PPARGC1A: variants seen among roughly 807,000 people sequenced by gnomAD.
PPARGC1A encodes the protein peroxisome proliferator-activated receptor gamma coactivator 1-alpha.
In PPARGC1A, 25 loss-of-function variants were observed where a neutral mutation model predicts 88.7. The ratio of observed to expected loss-of-function variants is 0.28; its 90% CI spans 0.21 to 0.39. The LOEUF (loss-of-function observed/expected upper bound fraction) is 0.39, where lower values mean the gene tolerates loss of function less well. PPARGC1A is among the 10% of genes least tolerant of loss of function. The pLI is 1.00. For missense variants in PPARGC1A, 880 were observed against 968.7 expected, an observed-to-expected ratio of 0.91 and a Z score of 1.22; for synonymous variants, 363 against 355.6, an observed-to-expected ratio of 1.02 and a Z score of -0.24.
the PPARGC1A span, among the ~76,000 whole-genome samples, chr4:23,924,133 A>T: frequency 6.6e-6 from 1 of 152,182 alleles, no homozygotes; most frequent in African/African-American, 2.4e-5. Flanking sequence ...GTCACAGGAG[A>T]TTGGCTTGGC....
chr4:23,806,672 T>C (rs1422806581), intron 10 of PPARGC1A, among the ~76,000 whole-genome samples: 1 of 152,172 alleles, frequency 6.6e-6, no homozygotes, highest in Non-Finnish European at 1.5e-5. Flanking sequence ...TTAACATCTA[T>C]AGTAAATCCT....
At chr4:24,242,794 A>G in the PPARGC1A span, among the ~76,000 whole-genome samples, 1 of 152,034 alleles carries the variant, frequency 6.6e-6, no homozygotes, top group Non-Finnish European at 1.5e-5. Flanking sequence ...AGAGTCCCCA[A>G]GCTCACTCCT....
chr4:23,888,300 A>G (rs139638390), intron 1 of PPARGC1A, among the ~76,000 whole-genome samples: 1 of 152,348 alleles, frequency 6.6e-6, no homozygotes, highest in African/African-American at 2.4e-5. Flanking sequence ...AAAGGCCACT[A>G]TTCTAAATGC....
chr4:24,211,639 G>A, the PPARGC1A span, among the ~76,000 whole-genome samples: 1 of 152,066 alleles, frequency 6.6e-6, no homozygotes, highest in African/African-American at 2.4e-5. Context: ...GGAGTGAGAT[G>A]GACTGGGATG....
chr4:23,942,051 T>C, the PPARGC1A span, among the ~76,000 whole-genome samples: 18 of 151,852 alleles, frequency 1.2e-4, no homozygotes, highest in Admixed American at 2.6e-4. Context: ...GCAGATACAG[T>C]CTTTTCACTG....
At chr4:24,458,841 T>C in the PPARGC1A span, among the ~76,000 whole-genome samples, 2 of 152,332 alleles carry the variant, frequency 1.3e-5, no homozygotes. Flanking sequence ...GGCAGGTCAG[T>C]TATGATTTAT....
the PPARGC1A span, among the ~76,000 whole-genome samples, chr4:24,175,428 G>A: frequency 5.9e-4 from 84 of 141,602 alleles, no homozygotes; most frequent in Admixed American, 1.6e-3. Flanking sequence ...AGGCTGGAGC[G>A]TAGTGGCGCA....
the PPARGC1A span, among the ~76,000 whole-genome samples, chr4:24,381,558 C>T: frequency 1.3e-5 from 2 of 152,186 alleles, no homozygotes; most frequent in Non-Finnish European, 2.9e-5. Context: ...GCTCTTAAGA[C>T]ATCAGCATTA....
intron 2 of PPARGC1A, among the ~76,000 whole-genome samples, chr4:23,868,538 G>C (rs1712560848): frequency 6.6e-6 from 1 of 152,136 alleles, no homozygotes; most frequent in South Asian, 2.1e-4. Flanking sequence ...GGACTGAGGA[G>C]GTGATGAGGT....
At chr4:24,326,382 A>T in the PPARGC1A span, among the ~76,000 whole-genome samples, 1 of 151,768 alleles carries the variant, frequency 6.6e-6, no homozygotes, top group Non-Finnish European at 1.5e-5. Flanking sequence ...TTGCCTATCC[A>T]CCCCATGGTG....
At chr4:24,402,366 G>A in the PPARGC1A span, among the ~76,000 whole-genome samples, 1 of 152,216 alleles carries the variant, frequency 6.6e-6, no homozygotes, top group Non-Finnish European at 1.5e-5. Flanking sequence ...CATGCGAGCT[G>A]TTTGAGAGCC....
chr4:23,859,874 G>T (rs1048676465), intron 2 of PPARGC1A, among the ~76,000 whole-genome samples: 1 of 151,586 alleles, frequency 6.6e-6, no homozygotes, highest in Non-Finnish European at 1.5e-5. Context: ...AAAAGAGAAA[G>T]AATTTTCATG....
At chr4:23,951,676 G>A in the PPARGC1A span, among the ~76,000 whole-genome samples, 1 of 152,256 alleles carries the variant, frequency 6.6e-6, no homozygotes, top group South Asian at 2.1e-4. Context: ...CTACATCTGA[G>A]TTAGATGAAA....
the PPARGC1A span, among the ~76,000 whole-genome samples, chr4:24,209,474 G>A: frequency 4.6e-5 from 7 of 152,172 alleles, no homozygotes; most frequent in Non-Finnish European, 8.8e-5. Flanking sequence ...AGTAGGTTGA[G>A]GTCAGAGATC....
the PPARGC1A span, among the ~76,000 whole-genome samples, chr4:24,132,683 G>A: frequency 3.3e-5 from 5 of 152,166 alleles, no homozygotes; most frequent in African/African-American, 1.2e-4. Context: ...ACCTTCCTGC[G>A]ATTTAAAGAT....
the PPARGC1A span, among the ~76,000 whole-genome samples, chr4:24,418,567 T>G: frequency 6.6e-6 from 1 of 152,008 alleles, no homozygotes; most frequent in African/African-American, 2.4e-5. Context: ...CTAATTCTAA[T>G]TAGAGCTTTT....
chr4:24,294,289 G>T, the PPARGC1A span, among the ~76,000 whole-genome samples: 5 of 152,158 alleles, frequency 3.3e-5, no homozygotes, highest in African/African-American at 1.2e-4. Context: ...TGAAAATCAT[G>T]ATCAGAAAAT....
the PPARGC1A span, among the ~76,000 whole-genome samples, chr4:24,311,156 G>A: frequency 7.5e-6 from 1 of 133,776 alleles, no homozygotes; most frequent in South Asian, 2.4e-4. Context: ...CTAGAGTGCA[G>A]TGGCGAGATC....
chr4:23,818,182 G>A (rs1271609193), intron 7 of PPARGC1A, among the ~76,000 whole-genome samples: 2 of 152,124 alleles, frequency 1.3e-5, no homozygotes, highest in Non-Finnish European at 2.9e-5. Flanking sequence ...TCTGGGGAAT[G>A]TGTACATTTT....
Sources: gnomAD v4.1 joint callset for allele counts (sites outside exome capture counted in the v4.1 genomes callset) on GRCh38, gnomAD v4.1.1 for gene constraint, MANE v1.5 for transcripts, NCBI Gene and HGNC (gene_info 2026-07-23, HGNC 2026-07-21) for gene names.